Variants in PARD3 observed in about 807,000 individuals in gnomAD.
The protein encoded by PARD3 is par-3 family cell polarity regulator, also known as partitioning defective 3 homolog.
Under a neutral mutation model 155.4 loss-of-function variants are expected in PARD3, and 75 were observed. The ratio of observed to expected loss-of-function variants is 0.48; its 90% confidence interval spans 0.40 to 0.58. PARD3 has a LOEUF of 0.58. PARD3 is among the 20% of genes least tolerant of loss of function. The probability of loss-of-function intolerance (pLI) is 0.00; values close to 1 mark genes in which losing one functional copy is unlikely to be tolerated. For synonymous variants in PARD3, 576 were observed against 610.5 expected, an observed-to-expected ratio of 0.94 and a Z score of 0.83; for missense variants, 1,642 against 1,721.7, an observed-to-expected ratio of 0.95 and a Z score of 0.82.
chr10:34,412,135 T>A (rs1845147096), intron 5 of PARD3, among the ~76,000 whole-genome samples: 1 of 152,006 alleles, frequency 6.6e-6, no homozygotes, highest in South Asian at 2.1e-4. Flanking sequence ...GCCAATTTTT[T>A]AAATATTTGT....
chr10:34,610,660 G>C (rs2090820070), intron 2 of PARD3, among the ~76,000 whole-genome samples: 1 of 152,078 alleles, frequency 6.6e-6, no homozygotes, highest in African/African-American at 2.4e-5. Flanking sequence ...TTCCTTTTTT[G>C]AAATATATAT....
intron 2 of PARD3, among the ~76,000 whole-genome samples, chr10:34,655,631 G>A (rs1014771435): frequency 6.6e-6 from 1 of 152,174 alleles, no homozygotes; most frequent in Non-Finnish European, 1.5e-5. Flanking sequence ...GAATGCAGAG[G>A]AGAGTAAATA....
At chr10:34,541,272 CAA>C (rs2083594618) in intron 2 of PARD3, among the ~76,000 whole-genome samples, 1 of 152,056 alleles carries the variant, frequency 6.6e-6, no homozygotes, top group South Asian at 2.1e-4. Context: ...AACACAAATG[CAA>C]AGAGAAGGGA....
intron 22 of PARD3, among the ~76,000 whole-genome samples, chr10:34,154,752 A>G (rs184022623): frequency 6.6e-6 from 1 of 152,192 alleles, no homozygotes; most frequent in East Asian, 1.9e-4. Context: ...CTGCAACACT[A>G]TTCTGCCAAT....
chr10:34,135,315 G>A (rs568501022), intron 22 of PARD3, among the ~76,000 whole-genome samples: 60 of 152,274 alleles, frequency 3.9e-4, no homozygotes, highest in African/African-American at 1.3e-3. Context: ...TTAATTTCAC[G>A]TTCTAACTAA....
chr10:34,635,151 G>A (rs571742868), intron 2 of PARD3, among the ~76,000 whole-genome samples: 7 of 152,358 alleles, frequency 4.6e-5, no homozygotes, highest in Admixed American at 1.3e-4. Flanking sequence ...AGGAGAACTG[G>A]AGAAATGCAG....
At chr10:34,499,434 A>G (rs2080522483) in intron 3 of PARD3, among the ~76,000 whole-genome samples, 2 of 152,198 alleles carry the variant, frequency 1.3e-5, no homozygotes, top group African/African-American at 4.8e-5. Flanking sequence ...TATAGACACA[A>G]AAAGTTATTT....
intron 1 of PARD3, among the ~76,000 whole-genome samples, chr10:34,784,190 G>A (rs1441116132): frequency 6.6e-6 from 1 of 152,096 alleles, no homozygotes; most frequent in Non-Finnish European, 1.5e-5. Flanking sequence ...CATCCTGGGT[G>A]ATGGAGAGAA....
intron 5 of PARD3, among the ~76,000 whole-genome samples, chr10:34,421,683 C>T (rs2132427151): frequency 6.6e-6 from 1 of 152,154 alleles, no homozygotes; most frequent in East Asian, 1.9e-4. Context: ...TTATTGAATG[C>T]CTATGATATG....
At position 34,217,836 on chromosome 10, in the gene PARD3, G is replaced by A. The variant is rs546531583; in HGVS notation, c.3419+51821C>T. On this transcript the variant is annotated intron_variant, in intron 22 of 24. Coordinates refer to ENST00000374788, the MANE Select transcript of PARD3 (RefSeq NM_001184785.2). ...AGACAGGCAGGATTCCTCCCTCTGC[G>A]ACTCTAAAGAGGGAGGTAGACACCA... 4.2e-4 allele frequency among the ~76,000 whole-genome samples: 64 copies of A among 152,250 alleles called. No individual in the cohort carries two copies. In the South Asian group the frequency reaches 0.013, roughly 31 times the overall value.
At chr10:34,115,745 C>A (rs973055882) in intron 24 of PARD3, among the ~76,000 whole-genome samples, 9 of 146,292 alleles carry the variant, frequency 6.2e-5, no homozygotes, top group African/African-American at 2.3e-4. Flanking sequence ...CGGAGTTTTG[C>A]TCTGTTGCCC....
chr10:34,697,659 C>T (rs2094198914), intron 1 of PARD3, among the ~76,000 whole-genome samples: 2 of 152,050 alleles, frequency 1.3e-5, no homozygotes, highest in Admixed American at 6.6e-5. Context: ...TAAACATTAC[C>T]GTTAAAACCA....
At chr10:34,293,707 T>C (rs912814204) in intron 20 of PARD3, among the ~76,000 whole-genome samples, 1 of 152,190 alleles carries the variant, frequency 6.6e-6, no homozygotes, top group Non-Finnish European at 1.5e-5. Flanking sequence ...GCAAATTACA[T>C]TTGGCTCAAG....
At chr10:34,258,866 C>T (rs1588964583) in intron 22 of PARD3, among the ~76,000 whole-genome samples, 2 of 152,110 alleles carry the variant, frequency 1.3e-5, no homozygotes, top group East Asian at 1.9e-4. Context: ...GGCAGTATAG[C>T]AAGACCCTAT....
At chr10:34,331,882 C>A (rs1835656512) in intron 18 of PARD3, among the ~76,000 whole-genome samples, 1 of 152,100 alleles carries the variant, frequency 6.6e-6, no homozygotes, top group Admixed American at 6.5e-5. Context: ...ACCACGGGGG[C>A]CAACATGTCA....
intron 1 of PARD3, among the ~76,000 whole-genome samples, chr10:34,734,849 C>T (rs1171140534): frequency 6.6e-6 from 1 of 151,962 alleles, no homozygotes; most frequent in African/African-American, 2.4e-5. Context: ...GATGTTAATA[C>T]CCAAAAGCCA....
At chr10:34,410,723 A>G (rs1844961730) in intron 5 of PARD3, among the ~76,000 whole-genome samples, 1 of 152,182 alleles carries the variant, frequency 6.6e-6, no homozygotes, top group South Asian at 2.1e-4. Flanking sequence ...ATGTCTTATA[A>G]ACAGAGGCAC....
chr10:34,511,557 C>G (rs558687313), intron 3 of PARD3, among the ~76,000 whole-genome samples: 1 of 152,052 alleles, frequency 6.6e-6, no homozygotes, highest in Non-Finnish European at 1.5e-5. Context: ...CATGACAAAG[C>G]GACAGAGTAA....
chr10:34,616,322 A>T (rs1288378425), intron 2 of PARD3, among the ~76,000 whole-genome samples: 2 of 151,884 alleles, frequency 1.3e-5, no homozygotes, highest in Non-Finnish European at 2.9e-5. Context: ...CTCAAAAAAA[A>T]TTAAAAAAAA....
Sources: gnomAD v4.1 joint callset for allele counts (sites outside exome capture counted in the v4.1 genomes callset) on GRCh38, gnomAD v4.1.1 for gene constraint, MANE v1.5 for transcripts, NCBI Gene and HGNC (gene_info 2026-07-23, HGNC 2026-07-21) for gene names.